The following ANKRD11 variants were observed in gnomAD, a reference collection of about 807,000 sequenced individuals.
ANKRD11 encodes the protein ankyrin repeat domain-containing protein 11.
A neutral mutation model predicts 195.7 loss-of-function variants in ANKRD11; 17 were observed. The observed-to-expected ratio is 0.09, with a 90% CI of 0.06 to 0.13. The LOEUF (loss-of-function observed/expected upper bound fraction) is 0.13, where lower values mean the gene tolerates loss of function less well. ANKRD11 is among the 10% of genes least tolerant of loss of function. The pLI is 1.00. For missense variants in ANKRD11, 3,735 were observed against 3,566.1 expected (o/e 1.05, Z -1.21); for synonymous variants, 1,953 against 1,528.1 (o/e 1.28, Z -6.49).
intron 1 of ANKRD11, among the ~76,000 whole-genome samples, chr16:89,489,947 G>A (rs867092096): frequency 4.2e-5 from 5 of 119,874 alleles, no homozygotes; most frequent in Admixed American, 8.1e-5. Context: ...CCCAAGCTCC[G>A]CCGACCTCCC....
At position 89,268,041 on chromosome 16, in the gene ANKRD11, G is replaced by T; in HGVS notation, c.*437C>A. 6.2e-6 allele frequency: 1 copy of T among 161,056 alleles called. No individual in the cohort carries two copies. The highest frequency in any genetic ancestry group is 1.4e-5 in the Non-Finnish European group (1 of 73,792). The allele number at this position is 161,056 out of a possible 1,614,324, so 10.0% of individuals were successfully genotyped here. On this transcript the variant is annotated 3_prime_UTR_variant, in exon 13 of 13. Coordinates refer to ENST00000301030, the MANE Select transcript of ANKRD11 (RefSeq NM_013275.6). ...GGGCTCCTGCCCCTCCGACCTGCAG[G>T]TCACTGTTTGTGAGAGGTGGACACC...
At chr16:89,421,624 C>T (rs1331904748) in intron 1 of ANKRD11, among the ~76,000 whole-genome samples, 107 of 92,164 alleles carry the variant, frequency 1.2e-3, no homozygotes, top group African/African-American at 5.2e-3. Flanking sequence ...GACCATCACC[C>T]GTCCATGTCT....
At chr16:89,321,106 C>G (rs984853608) in intron 2 of ANKRD11, 5 of 152,666 alleles carry the variant, frequency 3.3e-5, no homozygotes, top group African/African-American at 9.6e-5. Context: ...GCGCCCTCCC[C>G]CTCCGCACAC....
In ANKRD11 at chr16:89,280,581, G is replaced by C; in HGVS notation, c.5961C>G (p.Phe1987Leu). The C allele has an allele frequency of 1.2e-6, 2 of 1,613,456 alleles. No homozygotes were observed. Among genetic ancestry groups the C allele is most frequent in the Non-Finnish European group, 1.7e-6 (2 of 1,179,938 alleles). ...SDLLLKSPQR[F>L]PESPKRFCPA... The stretch of plus-strand genomic sequence containing the variant: ...GGCAGAAACGCTTTGGGGACTCGGG[G>C]AATCTCTGTGGAGACTTCAGCAGGA... The change falls in exon 9 of 13, where the codon TTC (phenylalanine) becomes TTG (leucine). Residue 1987 changes from phenylalanine to leucine, a missense_variant. Physicochemically the swap from Phe to Leu is conservative, Grantham distance 22. Coordinates refer to ENST00000301030, the MANE Select transcript of ANKRD11 (RefSeq NM_013275.6).
chr16:89,282,184 A>G lies in ANKRD11; in HGVS notation c.4358T>C (p.Ile1453Thr), dbSNP rs756629969. The G allele has an allele frequency of 6.2e-7, 1 of 1,613,580 alleles. No individual in the cohort carries two copies. Among genetic ancestry groups the G allele is most frequent in the Non-Finnish European group, 8.5e-7 (1 of 1,179,948 alleles). Residue 1453 changes from isoleucine to threonine, a missense_variant, in exon 9 of 13, where the codon ATC becomes ACC. Ile to Thr is a moderately conservative substitution (Grantham distance 89). Coordinates refer to ENST00000301030, the MANE Select transcript of ANKRD11 (RefSeq NM_013275.6). ...CTTCTTCTTCTCTTTTAGGATGTTG[A>G]TGGCACTAGATCCATAAGGCTTTAG... is the stretch of plus-strand genomic sequence containing the variant. The part of the protein sequence containing the change: ...KELKPYGSSA[I>T]NILKEKKKRE...
chr16:89,387,941 A>C (rs2040995690), intron 2 of ANKRD11, among the ~76,000 whole-genome samples: 2 of 149,210 alleles, frequency 1.3e-5, no homozygotes, highest in African/African-American at 4.9e-5. Flanking sequence ...TGAACCCAGG[A>C]GGCAGAGGCT....
chr16:89,412,357 C>T (rs2042136957), intron 2 of ANKRD11: 1 of 148,866 alleles, frequency 6.7e-6, no homozygotes, highest in Admixed American at 6.8e-5. Context: ...GCTGAGATGC[C>T]TCCCAGAGTC....
At chr16:89,309,952 G>A (rs559735949) in intron 3 of ANKRD11, among the ~76,000 whole-genome samples, 2 of 152,294 alleles carry the variant, frequency 1.3e-5, no homozygotes, top group East Asian at 1.9e-4. Context: ...CTTATGACAC[G>A]AGGTAGGCTC....
intron 7 of ANKRD11, 91 bp from the exon 8 acceptor site, chr16:89,286,277 C>G: frequency 6.4e-7 from 1 of 1,566,964 alleles, no homozygotes; most frequent in Non-Finnish European, 8.7e-7. Context: ...TCCGAGAACC[C>G]TGGGGTTCGA....
intron 1 of ANKRD11, among the ~76,000 whole-genome samples, chr16:89,460,720 C>G (rs2056624494): frequency 6.6e-6 from 1 of 152,146 alleles, no homozygotes; most frequent in South Asian, 2.1e-4. Flanking sequence ...CCGAGCAAGA[C>G]AGCAAGACTC....
intron 9 of ANKRD11, among the ~76,000 whole-genome samples, chr16:89,275,669 A>T (rs2033592023): frequency 6.6e-6 from 1 of 152,048 alleles, no homozygotes; most frequent in South Asian, 2.1e-4. Context: ...GTGGTCTTGC[A>T]GTGGCTCGGG....
chr16:89,453,822 T>C (rs975520991), intron 1 of ANKRD11, among the ~76,000 whole-genome samples: 1 of 152,210 alleles, frequency 6.6e-6, no homozygotes, highest in East Asian at 1.9e-4. Context: ...GAGACAGAAC[T>C]TGTGAATTCG....
intron 1 of ANKRD11, among the ~76,000 whole-genome samples, chr16:89,449,902 C>T (rs1597446240): frequency 6.6e-6 from 1 of 152,204 alleles, no homozygotes; most frequent in African/African-American, 2.4e-5. Context: ...CAGAGCCACA[C>T]TGAAGAATGC....
At chr16:89,472,070 CGGGCAGAAAGAGCATCAGGATCA>C (rs1454415903) in intron 1 of ANKRD11, among the ~76,000 whole-genome samples, 1 of 152,100 alleles carries the variant, frequency 6.6e-6, no homozygotes, top group Non-Finnish European at 1.5e-5. Context: ...TGCTCTCCAC[CGGGCAGAAAGAGCATCAGGATCA>C]GGGCAGAAAC....
chr16:89,379,402 G>C (rs2040552488), intron 2 of ANKRD11, among the ~76,000 whole-genome samples: 1 of 152,192 alleles, frequency 6.6e-6, no homozygotes, highest in Non-Finnish European at 1.5e-5. Flanking sequence ...CTGACCATGG[G>C]GAACAGGCCC....
At chr16:89,428,842 C>G (rs2042843814) in intron 1 of ANKRD11, among the ~76,000 whole-genome samples, 1 of 152,138 alleles carries the variant, frequency 6.6e-6, no homozygotes, top group Non-Finnish European at 1.5e-5. Context: ...TGCAGTAAGC[C>G]AAGATCGTGC....
chr16:89,443,719 C>T (rs2043640171), intron 1 of ANKRD11, among the ~76,000 whole-genome samples: 1 of 152,192 alleles, frequency 6.6e-6, no homozygotes, highest in Admixed American at 6.5e-5. Flanking sequence ...CGGGAACACC[C>T]CTTTATTACA....
rs2277907 is a variant in ANKRD11, at chr16:89,305,545, G to T, written c.88-201C>A. 0.66 allele frequency among the ~76,000 whole-genome samples: 99,623 copies of T among 151,904 alleles called. 33,414 individuals carry two copies. The highest frequency in any genetic ancestry group is 0.77 in the Middle Eastern group (226 of 294). ...AAGCCCGGGGTCGGGCTGTGGCTCA[G>T]CCCTGACTCTGGCCCATTTCTCATC... On this transcript the variant is annotated intron_variant, in intron 3 of 12. Coordinates refer to ENST00000301030, the MANE Select transcript of ANKRD11 (RefSeq NM_013275.6).
chr16:89,460,067 C>T (rs948060781), intron 1 of ANKRD11, among the ~76,000 whole-genome samples: 1 of 152,036 alleles, frequency 6.6e-6, no homozygotes, highest in Non-Finnish European at 1.5e-5. Flanking sequence ...GAAACTCCGT[C>T]TCTACTAAAA....
Sources: allele counts gnomAD v4.1 joint callset (sites outside exome capture counted in the v4.1 genomes callset), GRCh38; gene constraint gnomAD v4.1.1; transcripts MANE v1.5; gene names NCBI Gene and HGNC (gene_info 2026-07-23, HGNC 2026-07-21).